Variants in MAN1A2 observed in about 807,000 individuals in gnomAD.
MAN1A2 encodes mannosyl-oligosaccharide 1,2-alpha-mannosidase IB.
A neutral mutation model predicts 75.7 loss-of-function variants in MAN1A2; 26 were observed. That is an observed-to-expected ratio of 0.34 (90% confidence interval 0.25 to 0.48). MAN1A2 has a LOEUF of 0.48. MAN1A2 is among the 20% of genes least tolerant of loss of function. The pLI, the probability that MAN1A2 is intolerant of heterozygous loss-of-function variation, is 0.99. For missense variants in MAN1A2, 562 were observed against 775.5 expected, an observed-to-expected ratio of 0.72 and a Z score of 3.27; for synonymous variants, 247 against 264.6, an observed-to-expected ratio of 0.93 and a Z score of 0.65.
chr1:117,389,767 A>G (rs1653660492), intron 1 of MAN1A2, among the ~76,000 whole-genome samples: 1 of 147,542 alleles, frequency 6.8e-6, no homozygotes, highest in South Asian at 2.1e-4. Flanking sequence ...TAGATTTTTG[A>G]GTAGCTTTTT....
At chr1:117,415,764 C>T (rs1647970597) in intron 4 of MAN1A2, among the ~76,000 whole-genome samples, 1 of 151,932 alleles carries the variant, frequency 6.6e-6, no homozygotes, top group Middle Eastern at 3.2e-3. Context: ...TCTTGTTGTT[C>T]TGTTGGCTTC....
chr1:117,455,911 A>C (rs1346346645), intron 6 of MAN1A2, among the ~76,000 whole-genome samples: 1 of 152,072 alleles, frequency 6.6e-6, no homozygotes, highest in East Asian at 1.9e-4. Context: ...TAAAATAAAA[A>C]TTAAAGCTGT....
At position 117,414,662 on chromosome 1, in the gene MAN1A2, A is replaced by G; in HGVS notation, c.656-51A>G. 3 of 876,952 alleles carry G rather than the reference A, an allele frequency of 3.4e-6. No homozygotes were observed. In the Admixed American group the frequency reaches 5.4e-5, roughly 16 times the overall value. The allele number at this position is 876,952 out of a possible 1,614,324, so 54.3% of individuals were successfully genotyped here. A position where few individuals can be genotyped will look rare whatever the true frequency, so the allele number is the denominator to read the frequency against. ...TCTTTTTTTTCCCCCCAAAGAGAAC[A>G]GGAACCTAAAGGGATCTTTTTAATG... On this transcript the variant is annotated intron_variant, in intron 3 of 12. Transcript: ENST00000356554.
At chr1:117,420,793 T>G in intron 5 of MAN1A2, 144 bp downstream of exon 5, 1 of 609,128 alleles carries the variant, frequency 1.6e-6, no homozygotes, top group Non-Finnish European at 2.9e-6. Flanking sequence ...GGCAGAACTA[T>G]TCCTTGGGAA....
intron 12 of MAN1A2, among the ~76,000 whole-genome samples, chr1:117,510,492 TAAG>T (rs1292448880): frequency 1.3e-5 from 2 of 152,014 alleles, no homozygotes; most frequent in African/African-American, 4.8e-5. Flanking sequence ...TTCTGTAAGT[TAAG>T]AACACAGATG....
chr1:117,488,792 A>T (rs879901226), intron 8 of MAN1A2, among the ~76,000 whole-genome samples: 2 of 152,130 alleles, frequency 1.3e-5, no homozygotes, highest in Non-Finnish European at 2.9e-5. Flanking sequence ...CTTAAGGTGA[A>T]TGATAGCTCT....
intron 5 of MAN1A2, among the ~76,000 whole-genome samples, chr1:117,440,112 T>C (rs1648981812): frequency 6.6e-6 from 1 of 152,260 alleles, no homozygotes; most frequent in Non-Finnish European, 1.5e-5. Flanking sequence ...CTTTGTAGGC[T>C]GCTTTGGAAA....
intron 4 of MAN1A2, 71 bp from the exon 5 acceptor site, chr1:117,420,498 A>C: frequency 9.3e-7 from 1 of 1,070,090 alleles, no homozygotes; most frequent in Non-Finnish European, 1.4e-6. Flanking sequence ...AAAACAAATG[A>C]AGTATTGATA....
rs111250977 is a variant in MAN1A2 at position 117,496,831 on chromosome 1, G to C, written c.1353G>C (p.Gly451=). Residue 451 remains glycine (G), a synonymous_variant, in exon 10 of 13, where the codon GGG becomes GGC. Transcript: ENST00000356554. ...CCTTTATTGGAGAATGGAAGAATGG[G>C]CACTTGGAAAAAAAGATGGGGCATT... The part of the protein sequence containing the change: ...GLTFIGEWKN[G]HLEKKMGHLA... 6.2e-7 allele frequency: 1 copy of C among 1,612,506 alleles called. No homozygotes were observed. The highest frequency in any genetic ancestry group is 1.7e-5 in the Admixed American group (1 of 59,828).
chr1:117,445,880 G>GTA (rs771435341), intron 6 of MAN1A2, among the ~76,000 whole-genome samples: 9,852 of 125,944 alleles, frequency 0.078, 573 homozygotes, highest in Middle Eastern at 0.13. Flanking sequence ...GTGTCTGTGT[G>GTA]TGTGTATATA....
At chr1:117,421,584 G>C (rs1004231124) in intron 5 of MAN1A2, among the ~76,000 whole-genome samples, 3 of 150,002 alleles carry the variant, frequency 2.0e-5, no homozygotes, top group Non-Finnish European at 4.5e-5. Flanking sequence ...TTCATTTATT[G>C]TTGTTCCTTT....
At chr1:117,370,474 C>T (rs1311742161) in intron 1 of MAN1A2, among the ~76,000 whole-genome samples, 1 of 152,098 alleles carries the variant, frequency 6.6e-6, no homozygotes, top group Non-Finnish European at 1.5e-5. Flanking sequence ...TTTGCTTTAG[C>T]GTATTATTTG....
chr1:117,462,856 T>C (rs12562844), intron 7 of MAN1A2, among the ~76,000 whole-genome samples: 38,070 of 151,970 alleles, frequency 0.25, 5,566 homozygotes, highest in East Asian at 0.47. Flanking sequence ...ATGACAAATA[T>C]GAAACTCAAG....
chr1:117,492,018 C>T (rs1570788538), intron 8 of MAN1A2, among the ~76,000 whole-genome samples: 1 of 151,970 alleles, frequency 6.6e-6, no homozygotes, highest in African/African-American at 2.4e-5. Flanking sequence ...GGAATCTACT[C>T]CTGGTGAAGA....
At chr1:117,409,826 A>G (rs1647747733) in intron 3 of MAN1A2, among the ~76,000 whole-genome samples, 2 of 152,052 alleles carry the variant, frequency 1.3e-5, no homozygotes, top group Admixed American at 1.3e-4. Context: ...TTTATAAAAA[A>G]AGGAAACTAT....
intron 1 of MAN1A2, among the ~76,000 whole-genome samples, chr1:117,380,737 T>G (rs1653305268): frequency 6.6e-6 from 1 of 152,212 alleles, no homozygotes. Flanking sequence ...ATGTGTGCCC[T>G]TATGCCAGTA....
chr1:117,520,030 A>T (rs570996147), intron 12 of MAN1A2, among the ~76,000 whole-genome samples: 1 of 152,240 alleles, frequency 6.6e-6, no homozygotes, highest in East Asian at 1.9e-4. Context: ...TAACATATGC[A>T]AGTCAATAAA....
chr1:117,394,174 C>T lies in MAN1A2; in HGVS notation c.303-8012C>T, dbSNP rs527892765. Among the ~76,000 whole-genome samples the T allele has an allele frequency of 3.9e-5, 6 of 151,958 alleles. No homozygotes were observed. The East Asian group carries it at 5.8e-4, about 15-fold the overall frequency. On this transcript the variant is annotated intron_variant, in intron 1 of 12. Coordinates refer to ENST00000356554, the MANE Select transcript of MAN1A2 (RefSeq NM_006699.5). ...TTGGCTCACTGCAAGCTCTGCCTCCCGGGTTCACGCCATTCTCCTGCCTCA... is the reference window on the plus strand; with the variant it reads ...TTGGCTCACTGCAAGCTCTGCCTCCTGGGTTCACGCCATTCTCCTGCCTCA...
In MAN1A2 at chr1:117,402,367, C is replaced by G; in HGVS notation, c.484C>G (p.Pro162Ala). ...CAAGCCACTGCCACCAGTCCCTATT[C>G]CCAACCTTGTAGGAATACGTGGTGG... ...ENKPLPPVPI[P>A]NLVGIRGGDP... The change falls in exon 2 of 13, where the codon CCC becomes GCC. Residue 162 changes from proline (P) to alanine (A), a missense_variant. Pro to Ala is a conservative substitution (Grantham distance 27). Coordinates refer to ENST00000356554, the MANE Select transcript of MAN1A2 (RefSeq NM_006699.5). 1 of 1,613,662 alleles carries G rather than the reference C, an allele frequency of 6.2e-7. No homozygotes were observed. The highest frequency in any genetic ancestry group is 8.5e-7 in the Non-Finnish European group (1 of 1,179,744).
Sources: gnomAD v4.1 joint callset for allele counts (sites outside exome capture counted in the v4.1 genomes callset) on GRCh38, gnomAD v4.1.1 for gene constraint, MANE v1.5 for transcripts, NCBI Gene and HGNC (gene_info 2026-07-23, HGNC 2026-07-21) for gene names.